Variants in PCDH15 observed in about 807,000 individuals in gnomAD.
The protein encoded by PCDH15 is protocadherin-15.
Under a neutral mutation model 178.5 loss-of-function variants are expected in PCDH15, and 129 were observed. The observed-to-expected ratio is 0.72, with a 90% CI of 0.63 to 0.84. The LOEUF (loss-of-function observed/expected upper bound fraction) is 0.84. Ranked by LOEUF, PCDH15 falls within the 40% of genes least tolerant of loss-of-function variation. The pLI is 0.00. For missense variants in PCDH15, 2,230 were observed against 2,099.9 expected (o/e 1.06, Z -1.21); for synonymous variants, 800 against 732.0 (o/e 1.09, Z -1.50).
chr10:54,028,929 A>G (rs1326854087), intron 18 of PCDH15, among the ~76,000 whole-genome samples: 2 of 139,404 alleles, frequency 1.4e-5, no homozygotes, highest in Non-Finnish European at 3.1e-5. Flanking sequence ...CCTAAAACTT[A>G]AAGTATAATA....
chr10:54,820,186 A>G (rs943832454), intron 3 of PCDH15, among the ~76,000 whole-genome samples: 8 of 152,096 alleles, frequency 5.3e-5, no homozygotes, highest in Non-Finnish European at 8.8e-5. Context: ...GAGATGTGTA[A>G]CAATCCAATG....
chr10:55,296,212 G>A (rs1019764849), intron 1 of PCDH15, among the ~76,000 whole-genome samples: 3 of 152,152 alleles, frequency 2.0e-5, no homozygotes, highest in African/African-American at 7.2e-5. Context: ...GAAGCTCTGT[G>A]AACCTCATTG....
intron 20 of PCDH15, among the ~76,000 whole-genome samples, chr10:54,014,347 G>A (rs1032932684): frequency 8.2e-6 from 1 of 122,600 alleles, no homozygotes; most frequent in East Asian, 2.3e-4. Context: ...TGTATAAAGA[G>A]CTGGTACCAT....
intron 2 of PCDH15, among the ~76,000 whole-genome samples, chr10:55,059,722 G>C (rs1841385025): frequency 6.6e-6 from 1 of 152,022 alleles, no homozygotes; most frequent in Admixed American, 6.6e-5. Context: ...ATTTGAGAGA[G>C]ATGTAATGAA....
chr10:54,019,844 T>C (rs925376986), intron 20 of PCDH15, among the ~76,000 whole-genome samples: 1 of 152,006 alleles, frequency 6.6e-6, no homozygotes, highest in Admixed American at 6.6e-5. Context: ...ATTTTTTTAG[T>C]TGAAGGATTT....
chr10:55,368,614 T>G (rs1227727076), intron 2 of PCDH15, among the ~76,000 whole-genome samples: 1 of 152,142 alleles, frequency 6.6e-6, no homozygotes, highest in African/African-American at 2.4e-5. Context: ...TATTTATAAT[T>G]TGTGAAATGG....
intron 2 of PCDH15, among the ~76,000 whole-genome samples, chr10:54,910,621 T>A (rs1232805509): frequency 2.6e-5 from 4 of 152,118 alleles, no homozygotes; most frequent in Non-Finnish European, 5.9e-5. Context: ...ACAATGAAAA[T>A]TTGCCTGACT....
At chr10:55,325,170 C>T (rs7095994) in intron 2 of PCDH15, among the ~76,000 whole-genome samples, 143 of 152,168 alleles carry the variant, frequency 9.4e-4, no homozygotes, top group African/African-American at 3.0e-3. Flanking sequence ...AGATTCAATG[C>T]CATTCCTATC....
At chr10:55,617,199 T>G (rs1843496314) in intron 2 of PCDH15, among the ~76,000 whole-genome samples, 1 of 152,064 alleles carries the variant, frequency 6.6e-6, no homozygotes, top group Non-Finnish European at 1.5e-5. Context: ...TACTATAGTT[T>G]TCCTATTCCT....
At chr10:54,031,196 T>C (rs2093283410) in intron 18 of PCDH15, among the ~76,000 whole-genome samples, 1 of 151,916 alleles carries the variant, frequency 6.6e-6, no homozygotes, top group Non-Finnish European at 1.5e-5. Flanking sequence ...TACCCTGGTT[T>C]TCCTTGAAAT....
At chr10:54,527,748 G>A in intron 3 of PCDH15, 64 bp downstream of exon 3, 1 of 1,379,200 alleles carries the variant, frequency 7.3e-7, no homozygotes, top group African/African-American at 1.4e-5. Flanking sequence ...ATAGTAGATT[G>A]AGAATTAAAA....
intron 2 of PCDH15, among the ~76,000 whole-genome samples, chr10:54,949,420 G>C (rs1359560984): frequency 6.6e-6 from 1 of 151,882 alleles, no homozygotes; most frequent in Non-Finnish European, 1.5e-5. Flanking sequence ...CCACCCCCAT[G>C]ATTCAATTAC....
chr10:55,229,658 T>C (rs527905699), intron 1 of PCDH15, among the ~76,000 whole-genome samples: 69 of 152,188 alleles, frequency 4.5e-4, no homozygotes, highest in African/African-American at 1.6e-3. Flanking sequence ...CCAAATATCA[T>C]TTTCTTTGGC....
intron 2 of PCDH15, among the ~76,000 whole-genome samples, chr10:54,914,305 A>T (rs1466414725): frequency 6.6e-6 from 1 of 152,004 alleles, no homozygotes; most frequent in Non-Finnish European, 1.5e-5. Context: ...AGGGTGTGGC[A>T]CCTTCCTGTT....
intron 2 of PCDH15, among the ~76,000 whole-genome samples, chr10:54,937,673 G>A (rs942673700): frequency 1.5e-4 from 23 of 152,008 alleles, no homozygotes; most frequent in African/African-American, 5.5e-4. Context: ...CTTAGACTCT[G>A]CAACCTCGAT....
At chr10:55,451,396 C>A (rs971691233) in intron 2 of PCDH15, among the ~76,000 whole-genome samples, 3 of 151,716 alleles carry the variant, frequency 2.0e-5, no homozygotes, top group Non-Finnish European at 4.4e-5. Context: ...TACTCGGGAA[C>A]CTGAGGCAGG....
At chr10:54,892,974 T>C (rs577897109) in intron 3 of PCDH15, among the ~76,000 whole-genome samples, 140 of 152,196 alleles carry the variant, frequency 9.2e-4, no homozygotes, top group African/African-American at 3.3e-3. Flanking sequence ...AAATGTAATA[T>C]AATACATCTC....
chr10:55,073,407 G>T (rs901533447), intron 2 of PCDH15, among the ~76,000 whole-genome samples: 4 of 152,006 alleles, frequency 2.6e-5, no homozygotes, highest in Non-Finnish European at 5.9e-5. Context: ...AAAGTCTCAG[G>T]ATACAAAATC....
chr10:53,934,332 C>G (rs1285562586), intron 25 of PCDH15, among the ~76,000 whole-genome samples: 1 of 152,100 alleles, frequency 6.6e-6, no homozygotes, highest in Non-Finnish European at 1.5e-5. Flanking sequence ...GCCATCCCCA[C>G]TGACCACAAG....
Sources: allele counts gnomAD v4.1 joint callset (sites outside exome capture counted in the v4.1 genomes callset), GRCh38; gene constraint gnomAD v4.1.1; transcripts MANE v1.5; gene names NCBI Gene and HGNC (gene_info 2026-07-23, HGNC 2026-07-21).